The following RALGAPA1 variants were observed in gnomAD, a reference collection of about 807,000 sequenced individuals.
RALGAPA1 encodes the protein ral GTPase-activating protein subunit alpha-1.
In RALGAPA1, 52 loss-of-function variants were observed where a neutral mutation model predicts 269.6. That is an observed-to-expected ratio of 0.19 (90% CI 0.15 to 0.24). The LOEUF (loss-of-function observed/expected upper bound fraction) is 0.24, where lower values mean the gene tolerates loss of function less well. Ranked by LOEUF, RALGAPA1 falls within the 10% of genes least tolerant of loss-of-function variation. RALGAPA1 has a pLI of 1.00. For missense variants in RALGAPA1, 1,917 were observed against 3,013.9 expected, an observed-to-expected ratio of 0.64 and a Z score of 8.52; for synonymous variants, 817 against 1,008.3, an observed-to-expected ratio of 0.81 and a Z score of 3.60.
At chr14:35,682,552 C>T (rs1021341973) in intron 21 of RALGAPA1, among the ~76,000 whole-genome samples, 4 of 152,052 alleles carry the variant, frequency 2.6e-5, no homozygotes, top group Non-Finnish European at 4.4e-5. Context: ...GTGATCTGCC[C>T]GCCTCGGCTC....
intron 16 of RALGAPA1, among the ~76,000 whole-genome samples, chr14:35,712,353 C>G (rs2068428848): frequency 6.6e-6 from 1 of 151,782 alleles, no homozygotes; most frequent in Non-Finnish European, 1.5e-5. Flanking sequence ...TTCTCTAACA[C>G]TCTTCCATTA....
intron 28 of RALGAPA1, among the ~76,000 whole-genome samples, chr14:35,656,799 A>C (rs976746855): frequency 6.6e-6 from 1 of 152,188 alleles, no homozygotes; most frequent in Non-Finnish European, 1.5e-5. Flanking sequence ...ATTACCTGAA[A>C]GTCTTCTAGA....
chr14:35,654,601 T>A, intron 29 of RALGAPA1, 124 bp from the exon 30 acceptor site: 2 of 1,160,978 alleles, frequency 1.7e-6, no homozygotes, highest in Non-Finnish European at 2.3e-6. Flanking sequence ...TATAGGTGAT[T>A]AAGATAAATC....
At chr14:35,746,392 C>A (rs1485828099) in intron 10 of RALGAPA1, among the ~76,000 whole-genome samples, 4 of 152,018 alleles carry the variant, frequency 2.6e-5, no homozygotes, top group Admixed American at 2.6e-4. Context: ...AAGATTTTAT[C>A]ATAAGTGTTC....
At chr14:35,650,139 A>G (rs919509601) in intron 31 of RALGAPA1, among the ~76,000 whole-genome samples, 1 of 152,160 alleles carries the variant, frequency 6.6e-6, no homozygotes. Context: ...TGGGAGGCCG[A>G]GGCAGGTGGA....
chr14:35,607,850 C>T (rs993771300), intron 35 of RALGAPA1, among the ~76,000 whole-genome samples: 1 of 152,182 alleles, frequency 6.6e-6, no homozygotes, highest in Non-Finnish European at 1.5e-5. Context: ...CCAAGAAGGA[C>T]CCTTTGGGGA....
At chr14:35,626,984 G>A in intron 34 of RALGAPA1, 106 bp downstream of exon 34, 2 of 1,136,218 alleles carry the variant, frequency 1.8e-6, no homozygotes. Context: ...GAACTAATTG[G>A]TAGATAAAAT....
rs368596656 is a variant in RALGAPA1 at position 35,664,658 on chromosome 14, T to A, written c.5312A>T (p.Gln1771Leu). The A allele has an allele frequency of 6.2e-7, 1 of 1,610,046 alleles. No homozygotes were observed. ...ATTTCTTACCTTAACATCTGTAAAC[T>A]GAGACACAGCAACATCAGGAATGTT... The part of the protein sequence containing the change: ...HPNIPDVAVS[Q>L]FTDVKELIIK... The change falls in exon 27 of 42, where the codon CAG becomes CTG. Residue 1771 changes from glutamine to leucine, a missense_variant. Transcript: ENST00000680220.
chr14:35,749,569 C>T (rs2072477678), intron 9 of RALGAPA1, among the ~76,000 whole-genome samples: 1 of 152,180 alleles, frequency 6.6e-6, no homozygotes, highest in South Asian at 2.1e-4. Flanking sequence ...AAATAAATGA[C>T]CTCAAATATA....
intron 20 of RALGAPA1, among the ~76,000 whole-genome samples, chr14:35,684,561 A>C (rs998658178): frequency 6.6e-6 from 1 of 152,158 alleles, no homozygotes; most frequent in Non-Finnish European, 1.5e-5. Context: ...AAGGGATCAC[A>C]TTTTTTGTTT....
At position 35,640,566 on chromosome 14, in the gene RALGAPA1, A is replaced by G. The variant is rs141834375; in HGVS notation, c.5677-4968T>C. Among the ~76,000 whole-genome samples, 407 of 152,342 alleles carry G rather than the reference A, an allele frequency of 2.7e-3. 2 individuals are homozygous for G. Among genetic ancestry groups the G allele is most frequent in the Non-Finnish European group, 4.1e-3 (276 of 68,036 alleles). ...AAGAAATGCAAAACCTGAACAGACC[A>G]GTAACATATAACAAGAATAAAGCTG... On this transcript the variant is annotated intron_variant, in intron 31 of 41. Coordinates refer to ENST00000680220, the MANE Select transcript of RALGAPA1 (RefSeq NM_001346249.2).
chr14:35,762,213 C>G (rs944778173), intron 5 of RALGAPA1, among the ~76,000 whole-genome samples: 3 of 151,760 alleles, frequency 2.0e-5, no homozygotes, highest in African/African-American at 7.3e-5. Flanking sequence ...CCCAGTCAAC[C>G]TAGAATGGTT....
intron 6 of RALGAPA1, among the ~76,000 whole-genome samples, chr14:35,758,174 G>A: frequency 6.7e-6 from 1 of 149,804 alleles, no homozygotes; most frequent in East Asian, 2.0e-4. Context: ...GAACTGGGTG[G>A]TGGAGGTTGC....
chr14:35,742,096 C>T (rs939100641), intron 11 of RALGAPA1, among the ~76,000 whole-genome samples: 1 of 152,108 alleles, frequency 6.6e-6, no homozygotes, highest in Admixed American at 6.6e-5. Context: ...AAATATTATA[C>T]CTTTATAACA....
chr14:35,805,077 C>T (rs1038679833), intron 1 of RALGAPA1, among the ~76,000 whole-genome samples: 8 of 151,570 alleles, frequency 5.3e-5, no homozygotes, highest in African/African-American at 9.7e-5. Context: ...CACGAGGTCG[C>T]GAGTTCAAGA....
rs2061089020 is a variant in RALGAPA1 at position 35,627,872 on chromosome 14, A to G, written c.6075T>C (p.His2025=). The G allele has an allele frequency of 1.3e-6, 2 of 1,575,912 alleles. No homozygotes were observed. Among genetic ancestry groups the G allele is most frequent in the East Asian group, 4.5e-5 (2 of 44,632 alleles). ...TAGCAGGACCACCGCTCATTGGATA[A>G]TGGCCCAGGTGATTTACCAGATGTG... ...VITHLVNHLG[H]YPMSGGPAML... The change falls in exon 34 of 42, where the codon CAT becomes CAC. Residue 2025 remains histidine, a synonymous_variant. Transcript: ENST00000680220.
At chr14:35,727,570 T>C (rs1057098465) in intron 13 of RALGAPA1, among the ~76,000 whole-genome samples, 1 of 151,838 alleles carries the variant, frequency 6.6e-6, no homozygotes, top group Non-Finnish European at 1.5e-5. Flanking sequence ...CAACTATTTA[T>C]AGAGCACCAA....
chr14:35,618,421 C>G (rs978226388), intron 35 of RALGAPA1, among the ~76,000 whole-genome samples: 4 of 152,100 alleles, frequency 2.6e-5, no homozygotes, highest in African/African-American at 4.8e-5. Flanking sequence ...TATAATTTAA[C>G]ATCCTTTCCA....
intron 18 of RALGAPA1, among the ~76,000 whole-genome samples, chr14:35,688,129 A>G (rs1354669731): frequency 6.6e-6 from 1 of 152,180 alleles, no homozygotes; most frequent in Non-Finnish European, 1.5e-5. Context: ...TGATAATCTT[A>G]ATTTCCATAC....
Sources: gnomAD v4.1 joint callset for allele counts (sites outside exome capture counted in the v4.1 genomes callset) on GRCh38, gnomAD v4.1.1 for gene constraint, MANE v1.5 for transcripts, NCBI Gene and HGNC (gene_info 2026-07-23, HGNC 2026-07-21) for gene names.